ARHGAP32: variants seen among roughly 807,000 people sequenced by gnomAD.
The protein encoded by ARHGAP32 is rho GTPase-activating protein 32.
Under a neutral mutation model 186.5 loss-of-function variants are expected in ARHGAP32, and 51 were observed. That is an observed-to-expected ratio of 0.27 (90% CI 0.22 to 0.35). ARHGAP32 has a LOEUF of 0.35. Ranked by LOEUF, ARHGAP32 falls within the 10% of genes least tolerant of loss-of-function variation. ARHGAP32 has a pLI of 1.00. For synonymous variants in ARHGAP32, 950 were observed against 964.3 expected (o/e 0.99, Z 0.27); for missense variants, 2,186 against 2,623.5 (o/e 0.83, Z 3.64).
rs535913127 is a variant in ARHGAP32, at chr11:129,140,447, A to G, written c.226-15553T>C. ...TTAAGCTTGTGATAATTTCTTATAC[A>G]TATTCAACAAAAAACAAATACTAAC... On this transcript the variant is annotated intron_variant, in intron 2 of 22. Coordinates refer to ENST00000682385, the MANE Select transcript of ARHGAP32 (RefSeq NM_001378024.1). 7.7e-4 allele frequency among the ~76,000 whole-genome samples: 117 copies of G among 152,314 alleles called. 1 individual carries two copies. Among genetic ancestry groups the G allele is most frequent in the African/African-American group, 2.7e-3 (111 of 41,572 alleles).
chr11:129,024,568 T>C (rs1423318201), intron 11 of ARHGAP32, among the ~76,000 whole-genome samples: 3 of 152,204 alleles, frequency 2.0e-5, no homozygotes, highest in African/African-American at 4.8e-5. Flanking sequence ...ACTAACACAT[T>C]TTTTTAAGTA....
intron 6 of ARHGAP32, among the ~76,000 whole-genome samples, chr11:129,086,693 C>A (rs909615284): frequency 6.6e-6 from 1 of 151,756 alleles, no homozygotes; most frequent in East Asian, 1.9e-4. Context: ...TGGTGGTGGG[C>A]GCCTGTAGTC....
intron 10 of ARHGAP32, among the ~76,000 whole-genome samples, chr11:129,060,666 G>A (rs17551886): frequency 1.3e-5 from 2 of 151,970 alleles, no homozygotes; most frequent in Non-Finnish European, 2.9e-5. Flanking sequence ...AGAGTTCTGG[G>A]GTAATGTGAT....
At chr11:129,248,663 T>A (rs1470289951) in intron 1 of ARHGAP32, among the ~76,000 whole-genome samples, 2 of 152,234 alleles carry the variant, frequency 1.3e-5, no homozygotes, top group African/African-American at 2.4e-5. Context: ...GTGCCTGGAA[T>A]ATAAGTCTTT....
intron 5 of ARHGAP32, among the ~76,000 whole-genome samples, chr11:129,109,728 A>G (rs1359321026): frequency 6.6e-6 from 1 of 151,912 alleles, no homozygotes; most frequent in Non-Finnish European, 1.5e-5. Context: ...ATCTTCTTTG[A>G]GAACTCTATT....
chr11:129,102,734 T>C (rs1249162312), intron 5 of ARHGAP32, among the ~76,000 whole-genome samples: 1 of 151,950 alleles, frequency 6.6e-6, no homozygotes, highest in South Asian at 2.1e-4. Flanking sequence ...CAAATTAGAG[T>C]GACTAAAACC....
intron 11 of ARHGAP32, among the ~76,000 whole-genome samples, chr11:129,029,389 T>C (rs1022711720): frequency 2.6e-5 from 4 of 152,228 alleles, no homozygotes; most frequent in Non-Finnish European, 4.4e-5. Context: ...CAGGGCTTGG[T>C]GCGCAGTCAG....
chr11:129,160,439 G>A (rs1943505385), intron 2 of ARHGAP32, among the ~76,000 whole-genome samples: 1 of 152,164 alleles, frequency 6.6e-6, no homozygotes, highest in African/African-American at 2.4e-5. Flanking sequence ...AAAATCACAA[G>A]CATTCCTATA....
At chr11:129,162,243 A>G (rs1209660511) in intron 2 of ARHGAP32, among the ~76,000 whole-genome samples, 4 of 152,206 alleles carry the variant, frequency 2.6e-5, no homozygotes, top group Non-Finnish European at 5.9e-5. Flanking sequence ...ATGTATACCT[A>G]TGTAATAAAC....
At chr11:129,098,785 A>G (rs948993072) in intron 5 of ARHGAP32, among the ~76,000 whole-genome samples, 2 of 152,166 alleles carry the variant, frequency 1.3e-5, no homozygotes, top group Admixed American at 1.3e-4. Context: ...CAGAGCAGAA[A>G]AATGTATAAA....
chr11:129,006,765 T>C (rs1020995276), intron 11 of ARHGAP32, among the ~76,000 whole-genome samples: 5 of 152,202 alleles, frequency 3.3e-5, no homozygotes, highest in African/African-American at 1.2e-4. Context: ...CCTAGGACTG[T>C]ATAATCAGCA....
chr11:129,264,645 G>C (rs1945369971), intron 1 of ARHGAP32, among the ~76,000 whole-genome samples: 1 of 152,166 alleles, frequency 6.6e-6, no homozygotes, highest in African/African-American at 2.4e-5. Context: ...GAGTTGAATA[G>C]AACCATAGGA....
intron 10 of ARHGAP32, among the ~76,000 whole-genome samples, chr11:129,048,546 G>A (rs1219069281): frequency 1.3e-5 from 2 of 152,020 alleles, no homozygotes; most frequent in Non-Finnish European, 2.9e-5. Context: ...AGGGTGAAGG[G>A]TTTAAGAATA....
At chr11:129,081,662 G>T (rs1481897505) in intron 6 of ARHGAP32, among the ~76,000 whole-genome samples, 1 of 151,808 alleles carries the variant, frequency 6.6e-6, no homozygotes, top group Non-Finnish European at 1.5e-5. Context: ...ACAGGTAAAA[G>T]TTGAAAGTAT....
intron 5 of ARHGAP32, among the ~76,000 whole-genome samples, chr11:129,112,956 CTTCA>C (rs1942268150): frequency 6.6e-6 from 1 of 152,090 alleles, no homozygotes; most frequent in Non-Finnish European, 1.5e-5. Flanking sequence ...GCAATAACAG[CTTCA>C]TTAATTTTCT....
chr11:129,261,424 AATCTGGG>A (rs1945319465), intron 1 of ARHGAP32, among the ~76,000 whole-genome samples: 1 of 152,156 alleles, frequency 6.6e-6, no homozygotes. Flanking sequence ...ACATACCACT[AATCTGGG>A]TAAGCCTAAT....
intron 1 of ARHGAP32, among the ~76,000 whole-genome samples, chr11:129,271,152 T>TA (rs1367201646): frequency 6.6e-6 from 1 of 152,174 alleles, no homozygotes; most frequent in Admixed American, 6.5e-5. Flanking sequence ...GATTAACGTT[T>TA]AACATTATTT....
At chr11:129,187,123 T>C (rs1193116599) in intron 1 of ARHGAP32, among the ~76,000 whole-genome samples, 1 of 152,154 alleles carries the variant, frequency 6.6e-6, no homozygotes, top group Non-Finnish European at 1.5e-5. Context: ...TAAGTGTCCA[T>C]CAATGGATGA....
intron 21 of ARHGAP32, chr11:128,973,679 A>T (rs554162092): frequency 3.8e-5 from 21 of 550,660 alleles, no homozygotes; most frequent in African/African-American, 3.2e-4. Flanking sequence ...ATGGGGGGGA[A>T]AAAAAGCATG....
Sources: allele counts gnomAD v4.1 joint callset (sites outside exome capture counted in the v4.1 genomes callset), GRCh38; gene constraint gnomAD v4.1.1; transcripts MANE v1.5; gene names NCBI Gene and HGNC (gene_info 2026-07-23, HGNC 2026-07-21).